The following LAMA2 variants were observed in gnomAD, a reference collection of about 807,000 sequenced individuals.
LAMA2 encodes laminin subunit alpha-2.
LAMA2 carries 269 observed loss-of-function variants against 364.8 expected under a neutral mutation model. That is an observed-to-expected ratio of 0.74 (90% CI 0.67 to 0.82). The LOEUF (loss-of-function observed/expected upper bound fraction) is 0.82. Among genes scored for constraint, LAMA2 ranks in the 40% least tolerant of loss-of-function variants. The probability of loss-of-function intolerance (pLI) is 0.00; values close to 1 mark genes in which losing one functional copy is unlikely to be tolerated. For synonymous variants in LAMA2, 1,379 were observed against 1,370.6 expected, an observed-to-expected ratio of 1.01 and a Z score of -0.14; for missense variants, 3,807 against 3,873.2, an observed-to-expected ratio of 0.98 and a Z score of 0.45.
intron 29 of LAMA2, among the ~76,000 whole-genome samples, chr6:129,330,365 C>G (rs914280504): frequency 3.3e-5 from 5 of 151,942 alleles, no homozygotes; most frequent in Non-Finnish European, 5.9e-5. Context: ...ATGCTTCCCT[C>G]TATGTGCCCC....
chr6:128,886,723 G>C (rs1776168982), intron 1 of LAMA2, among the ~76,000 whole-genome samples: 1 of 152,142 alleles, frequency 6.6e-6, no homozygotes. Context: ...ATCCATAGAA[G>C]AACATGACAA....
chr6:128,883,150 A>C lies in LAMA2; in HGVS notation c.-96A>C, dbSNP rs975452972. 8.2e-7 allele frequency: 1 copy of C among 1,226,954 alleles called. No individual in the cohort carries two copies. Among genetic ancestry groups the C allele is most frequent in the African/African-American group, 1.5e-5 (1 of 66,866 alleles). 76.0% of individuals were successfully genotyped at this position (1,226,954 alleles called of 1,614,324 possible). On this transcript the variant is annotated 5_prime_UTR_variant, in exon 1 of 65. Transcript: ENST00000421865. ...GGGCTGTCTCCTCCTCTTCCCCAGC[A>C]GCTGCTGCTCGCTCAGCTCACAAGC...
intron 43 of LAMA2, 99 bp from the exon 44 acceptor site, chr6:129,442,964 A>AT: frequency 1.2e-6 from 1 of 856,958 alleles, no homozygotes; most frequent in Non-Finnish European, 1.9e-6. Context: ...GTTATGAAAA[A>AT]TACCATTTTT....
chr6:129,354,028 CA>C (rs1777015932), intron 32 of LAMA2, among the ~76,000 whole-genome samples: 1 of 152,138 alleles, frequency 6.6e-6, no homozygotes, highest in South Asian at 2.1e-4. Context: ...CATTCAAATC[CA>C]AAATAGGTTA....
intron 40 of LAMA2, among the ~76,000 whole-genome samples, chr6:129,412,825 C>T (rs1215131499): frequency 6.6e-6 from 1 of 152,168 alleles, no homozygotes; most frequent in Non-Finnish European, 1.5e-5. Context: ...CATACTGGCT[C>T]ATGAAGCCTG....
intron 29 of LAMA2, among the ~76,000 whole-genome samples, chr6:129,331,168 G>A (rs2064318232): frequency 6.6e-6 from 1 of 152,054 alleles, no homozygotes; most frequent in Admixed American, 6.6e-5. Context: ...AAGCCACTGC[G>A]CCCGGCCACC....
intron 12 of LAMA2, among the ~76,000 whole-genome samples, chr6:129,232,453 G>A (rs1463484414): frequency 6.6e-6 from 1 of 152,074 alleles, no homozygotes; most frequent in Non-Finnish European, 1.5e-5. Flanking sequence ...TCTGAAGACT[G>A]TGGGGCCATC....
intron 12 of LAMA2, among the ~76,000 whole-genome samples, chr6:129,210,640 T>C (rs778093727): frequency 6.6e-6 from 1 of 152,180 alleles, no homozygotes; most frequent in African/African-American, 2.4e-5. Context: ...CTGTTTGAGC[T>C]CTGCTACCCA....
intron 12 of LAMA2, among the ~76,000 whole-genome samples, chr6:129,220,225 G>A (rs1783731184): frequency 1.3e-5 from 2 of 151,746 alleles, no homozygotes; most frequent in South Asian, 2.1e-4. Context: ...AAGCTTTGCT[G>A]AATAAATACA....
intron 49 of LAMA2, among the ~76,000 whole-genome samples, chr6:129,460,699 C>A (rs1413186632): frequency 2.0e-5 from 3 of 151,864 alleles, no homozygotes; most frequent in Non-Finnish European, 4.4e-5. Flanking sequence ...GAGCTTTCCC[C>A]AAACTGATTA....
At chr6:129,299,332 A>G (rs1773404209) in intron 21 of LAMA2, among the ~76,000 whole-genome samples, 1 of 152,084 alleles carries the variant, frequency 6.6e-6, no homozygotes, top group African/African-American at 2.4e-5. Context: ...TCTACCACAC[A>G]TGGTTTTTGT....
At chr6:129,360,448 C>T (rs891742016) in intron 32 of LAMA2, among the ~76,000 whole-genome samples, 1 of 152,116 alleles carries the variant, frequency 6.6e-6, no homozygotes, top group African/African-American at 2.4e-5. Context: ...GCACTTTCCC[C>T]ATGTGTTTAC....
chr6:129,299,390 G>A (rs1315368358), intron 21 of LAMA2, among the ~76,000 whole-genome samples: 2 of 152,060 alleles, frequency 1.3e-5, no homozygotes, highest in Non-Finnish European at 2.9e-5. Context: ...GTAATGCCTA[G>A]CATGTAAGTG....
chr6:129,490,078 G>A (rs1168390365), intron 56 of LAMA2, among the ~76,000 whole-genome samples: 1 of 152,108 alleles, frequency 6.6e-6, no homozygotes, highest in African/African-American at 2.4e-5. Flanking sequence ...TGGACATATT[G>A]GCAATGTCCT....
intron 22 of LAMA2, among the ~76,000 whole-genome samples, chr6:129,304,246 G>A (rs1270449069): frequency 6.6e-6 from 1 of 152,014 alleles, no homozygotes; most frequent in Non-Finnish European, 1.5e-5. Flanking sequence ...ATTTTCTCTT[G>A]TGTTCCAAGT....
At chr6:129,389,941 A>G (rs1779228405) in intron 35 of LAMA2, among the ~76,000 whole-genome samples, 1 of 152,226 alleles carries the variant, frequency 6.6e-6, no homozygotes, top group African/African-American at 2.4e-5. Flanking sequence ...AAACCATATC[A>G]GGCTCTGCCT....
chr6:129,037,890 T>C (rs188314951), intron 1 of LAMA2, among the ~76,000 whole-genome samples: 61 of 152,216 alleles, frequency 4.0e-4, no homozygotes, highest in South Asian at 3.3e-3. Context: ...AGGATGGTCT[T>C]GATCTCCTGA....
intron 36 of LAMA2, 139 bp downstream of exon 36, chr6:129,391,792 C>CATCTATCT (rs10648375): frequency 4.0e-4 from 270 of 681,640 alleles, no homozygotes; most frequent in African/African-American, 3.1e-3. Flanking sequence ...TGTTATCTAT[C>CATCTATCT]ATCTATCTAT....
chr6:129,037,133 A>G (rs944733013), intron 1 of LAMA2, among the ~76,000 whole-genome samples: 14 of 152,186 alleles, frequency 9.2e-5, no homozygotes, highest in Non-Finnish European at 1.5e-5. Flanking sequence ...ATATTGAATC[A>G]CTTGCAAACA....
Sources: gnomAD v4.1 joint callset for allele counts (sites outside exome capture counted in the v4.1 genomes callset) on GRCh38, gnomAD v4.1.1 for gene constraint, MANE v1.5 for transcripts, NCBI Gene and HGNC (gene_info 2026-07-23, HGNC 2026-07-21) for gene names.